Variants in MKNK2 observed in about 807,000 individuals in gnomAD.
The protein encoded by MKNK2 is MAP kinase-interacting serine/threonine-protein kinase 2.
Under a neutral mutation model 55.0 loss-of-function variants are expected in MKNK2, and 54 were observed. The ratio of observed to expected loss-of-function variants is 0.98; its 90% CI spans 0.79 to 1.23. MKNK2 has a LOEUF of 1.23. Ranked by LOEUF, MKNK2 falls within the 50% of genes most tolerant of loss-of-function variation. The pLI is 0.00. For synonymous variants in MKNK2, 323 were observed against 256.0 expected, an observed-to-expected ratio of 1.26 and a Z score of -2.50; for missense variants, 685 against 632.1, an observed-to-expected ratio of 1.08 and a Z score of -0.90.
Position 2,039,565 on chromosome 19 carries a change from A to G in MKNK2, c.*48T>C. The G allele has an allele frequency of 6.4e-7, 1 of 1,562,374 alleles. No homozygotes were observed. Among genetic ancestry groups the G allele is most frequent in the Non-Finnish European group, 8.7e-7 (1 of 1,150,872 alleles). On this transcript the variant is annotated 3_prime_UTR_variant, in exon 14 of 14. Coordinates refer to ENST00000250896, the MANE Select transcript of MKNK2 (RefSeq NM_199054.3). ...TGGCGATAGCTTAAAAAACCTTTAG[A>G]TTTGATTGGGGGACGGGTGACCTAT...
rs771696369 is a variant in MKNK2, at chr19:2,041,910, T to G, written c.875A>C (p.Tyr292Ser). The G allele has an allele frequency of 1.9e-6, 3 of 1,546,098 alleles. No homozygotes were observed. Among genetic ancestry groups the G allele is most frequent in the Non-Finnish European group, 2.6e-6 (3 of 1,144,982 alleles). Residue 292 changes from tyrosine (Y) to serine (S), a missense_variant, in exon 11 of 14, where the codon TAC becomes TCC. By Grantham distance (144) the Tyr-to-Ser change is moderately radical (BLOSUM62 -2). Transcript: ENST00000250896. Reference sequence around the variant, plus strand: ...GCCACAGCGGCCCACGAAGGGCGGGTAGCCGCTGAGTAGGATATACAAGAT... The same window carrying G: ...GCCACAGCGGCCCACGAAGGGCGGGGAGCCGCTGAGTAGGATATACAAGAT... ...GVILYILLSG[Y>S]PPFVGRCGSD...
At position 2,039,437 on chromosome 19, in the gene MKNK2, A is replaced by G. The variant is rs1009213620; in HGVS notation, c.*176T>C. 23 of 1,381,692 alleles carry G rather than the reference A, an allele frequency of 1.7e-5. No individual in the cohort carries two copies. The highest frequency in any genetic ancestry group is 2.1e-5 in the Non-Finnish European group (22 of 1,069,316). 85.6% of individuals were successfully genotyped at this position (1,381,692 alleles called of 1,614,324 possible). ...ATAACGGGGAGGGGTGGAAACAGGA[A>G]AAAAAAAACCCAAAAGCAAAAACCT... On this transcript the variant is annotated 3_prime_UTR_variant, in exon 14 of 14. Transcript: ENST00000250896.
chr19:2,042,826 G>A lies in MKNK2; in HGVS notation c.538C>T (p.Leu180=), dbSNP rs1231758185. The change falls in exon 8 of 14, where the codon CTG becomes TTG. Residue 180 remains leucine, a synonymous_variant. Coordinates refer to ENST00000250896, the MANE Select transcript of MKNK2 (RefSeq NM_199054.3). Reference sequence around the variant, plus strand: ...TCCTGCACCACCACGCTGGCCTCCAGCTCGTTGAAGTGCCGGCGCTTGTGG... The same window carrying A: ...TCCTGCACCACCACGCTGGCCTCCAACTCGTTGAAGTGCCGGCGCTTGTGG... ...HIHKRRHFNE[L]EASVVVQDVA... 1 of 1,577,686 alleles carries A rather than the reference G, an allele frequency of 6.3e-7. No homozygotes were observed. Among genetic ancestry groups the A allele is most frequent in the East Asian group, 2.3e-5 (1 of 42,970 alleles).
At chr19:2,047,976 C>T (rs983622442) in intron 2 of MKNK2, among the ~76,000 whole-genome samples, 1 of 152,132 alleles carries the variant, frequency 6.6e-6, no homozygotes, top group Non-Finnish European at 1.5e-5. Context: ...TGCTTCCAGC[C>T]CCCCAACCCC....
Position 2,041,174 on chromosome 19 carries a change from T to C in MKNK2, c.976A>G (p.Lys326Glu). ...NMLFESIQEG[K>E]YEFPDKDWAH... Reference sequence around the variant, plus strand: ...CAGTCCTTGTCGGGGAACTCGTACTTGCCCTCCTGGATGCTCTCAAACAGC... The same window carrying C: ...CAGTCCTTGTCGGGGAACTCGTACTCGCCCTCCTGGATGCTCTCAAACAGC... Residue 326 changes from lysine (K) to glutamate (E), a missense_variant, in exon 12 of 14, where the codon AAG (lysine) becomes GAG (glutamate). Physicochemically the swap from Lys to Glu is moderately conservative, Grantham distance 56. Coordinates refer to ENST00000250896, the MANE Select transcript of MKNK2 (RefSeq NM_199054.3). 1 of 1,613,882 alleles carries C rather than the reference T, an allele frequency of 6.2e-7. No homozygotes were observed. Among genetic ancestry groups the C allele is most frequent in the Non-Finnish European group, 8.5e-7 (1 of 1,179,870 alleles).
At chr19:2,044,117 G>C (rs1185273983) in intron 5 of MKNK2, among the ~76,000 whole-genome samples, 1 of 151,846 alleles carries the variant, frequency 6.6e-6, no homozygotes, top group African/African-American at 2.4e-5. Context: ...TGCCCTGGGC[G>C]GCCACCCTCC....
At chr19:2,040,703 G>C (rs930349335) in intron 12 of MKNK2, 5 of 380,334 alleles carry the variant, frequency 1.3e-5, no homozygotes, top group Non-Finnish European at 2.4e-5. Context: ...CACAGCCTGG[G>C]CTTGAGACTG....
chr19:2,041,777 G>C, intron 11 of MKNK2, 63 bp downstream of exon 11: 1 of 1,366,966 alleles, frequency 7.3e-7, no homozygotes. Context: ...GGGTTAGGGG[G>C]TGTTCAGGGC....
Position 2,039,397 on chromosome 19 carries a change from C to T in MKNK2, c.*216G>A. The T allele has an allele frequency of 7.1e-7, 1 of 1,404,620 alleles. No individual in the cohort carries two copies. The highest frequency in any genetic ancestry group is 9.2e-7 in the Non-Finnish European group (1 of 1,082,166). The allele number at this position is 1,404,620 out of a possible 1,614,324, so 87.0% of individuals were successfully genotyped here. A position where few individuals can be genotyped will look rare whatever the true frequency, so the allele number is the denominator to read the frequency against. ...CCCGGGTGCCTGCAATGCTTTTAAC[C>T]ATCCAAAGGAAAAAATAACGGGGAG... On this transcript the variant is annotated 3_prime_UTR_variant, in exon 14 of 14. Coordinates refer to ENST00000250896, the MANE Select transcript of MKNK2 (RefSeq NM_199054.3).
At chr19:2,045,235 G>A (rs571687410) in intron 5 of MKNK2, among the ~76,000 whole-genome samples, 1 of 152,154 alleles carries the variant, frequency 6.6e-6, no homozygotes, top group Non-Finnish European at 1.5e-5. Flanking sequence ...GGATCCCCCA[G>A]AGGCCACACA....
At chr19:2,048,259 C>T (rs962787703) in intron 2 of MKNK2, among the ~76,000 whole-genome samples, 2 of 152,112 alleles carry the variant, frequency 1.3e-5, no homozygotes, top group African/African-American at 2.4e-5. Flanking sequence ...AGCCCCAGGA[C>T]CATGGGAGCA....
intron 11 of MKNK2, 81 bp downstream of exon 11, chr19:2,041,759 G>A: frequency 8.2e-7 from 1 of 1,218,346 alleles, no homozygotes; most frequent in Non-Finnish European, 1.1e-6. Flanking sequence ...CGCAGGGCAG[G>A]TCCCCTGGGG....
chr19:2,039,896 C>A, intron 13 of MKNK2, 40 bp from the exon 14 acceptor site: 1 of 1,568,066 alleles, frequency 6.4e-7, no homozygotes, highest in South Asian at 1.2e-5. Flanking sequence ...CCAAGAGGCA[C>A]CCCTCAGGGG....
At position 2,041,123 on chromosome 19, in the gene MKNK2, C is replaced by T. The variant is rs2145684710; in HGVS notation, c.1027G>A (p.Asp343Asn). The T allele has an allele frequency of 1.2e-6, 2 of 1,614,080 alleles. 1 individual carries two copies. The highest frequency in any genetic ancestry group is 4.5e-5 in the East Asian group (2 of 44,874). Residue 343 changes from aspartate (D) to asparagine (N), a missense_variant, in exon 12 of 14, where the codon GAC (aspartate) becomes AAC (asparagine). Coordinates refer to ENST00000250896, the MANE Select transcript of MKNK2 (RefSeq NM_199054.3). ...DWAHISCAAK[D>N]LISKLLVRDA... ...CGGACCAGCAGCTTGGAGATGAGGTCTTTGGCAGCGCAGGAGATGTGGGCC... is the reference window on the plus strand; with the variant it reads ...CGGACCAGCAGCTTGGAGATGAGGTTTTTGGCAGCGCAGGAGATGTGGGCC...
rs1181308581 is a variant in MKNK2, at chr19:2,038,142, G to C, written c.*1471C>G. 1 of 1,056,660 alleles carries C rather than the reference G, an allele frequency of 9.5e-7. No individual in the cohort carries two copies. The highest frequency in any genetic ancestry group is 5.5e-5 in the Admixed American group (1 of 18,306). 65.5% of individuals were successfully genotyped at this position (1,056,660 alleles called of 1,614,324 possible). ...ACTGTGACCATCATACGAGATTCAG[G>C]AGGGGCAGCAGGGCCAGGCAGACGG... On this transcript the variant is annotated 3_prime_UTR_variant, in exon 14 of 14. Transcript: ENST00000250896.
intron 12 of MKNK2, 189 bp downstream of exon 12, chr19:2,040,851 C>T (rs554373928): frequency 2.4e-5 from 15 of 622,690 alleles, no homozygotes; most frequent in African/African-American, 3.7e-5. Context: ...GGCTGGCCAG[C>T]GGGCACCGTG....
intron 7 of MKNK2, 64 bp downstream of exon 7, chr19:2,043,060 T>C: frequency 7.0e-7 from 1 of 1,437,154 alleles, no homozygotes; most frequent in South Asian, 1.2e-5. Flanking sequence ...CAGGTGGCAC[T>C]AGGCCCCCAT....
intron 6 of MKNK2, 104 bp downstream of exon 6, chr19:2,043,399 A>T: frequency 8.4e-7 from 1 of 1,184,768 alleles, no homozygotes; most frequent in Non-Finnish European, 1.3e-6. Flanking sequence ...GGCCTGGGAA[A>T]CTGGGTGCCC....
Position 2,041,060 on chromosome 19 carries a change from G to A in MKNK2, c.1090C>T (p.Gln364Ter). The A allele has an allele frequency of 6.2e-7, 1 of 1,613,966 alleles. No individual in the cohort carries two copies. Among genetic ancestry groups the A allele is most frequent in the Non-Finnish European group, 8.5e-7 (1 of 1,179,940 alleles). ...CTCACCCCCTGAACCCAGGGGTGCTGCAGGACTTGGGCGGCACTCAGCCTC... is the reference window on the plus strand; with the variant it reads ...CTCACCCCCTGAACCCAGGGGTGCTACAGGACTTGGGCGGCACTCAGCCTC... ...KQRLSAAQVL[Q>*]HPWVQGCAPE... Residue 364 changes from glutamine (Q) to a stop codon, truncating the protein, a stop_gained, in exon 12 of 14, where the codon CAG (glutamine) becomes TAG (stop). Transcript: ENST00000250896. LOFTEE classifies it high-confidence loss of function.
Sources: allele counts gnomAD v4.1 joint callset (sites outside exome capture counted in the v4.1 genomes callset), GRCh38; gene constraint gnomAD v4.1.1; transcripts MANE v1.5; gene names NCBI Gene and HGNC (gene_info 2026-07-23, HGNC 2026-07-21).